AP1G1: variants seen among roughly 807,000 people sequenced by gnomAD.
The protein encoded by AP1G1 is adaptor related protein complex 1 subunit gamma 1.
In AP1G1, 7 loss-of-function variants were observed where a neutral mutation model predicts 108.3. The ratio of observed to expected loss-of-function variants is 0.06; its 90% CI spans 0.04 to 0.12. The LOEUF is 0.12. AP1G1 is among the 10% of genes least tolerant of loss of function. The pLI, the probability that AP1G1 is intolerant of heterozygous loss-of-function variation, is 1.00. For missense variants in AP1G1, 756 were observed against 1,010.7 expected, an observed-to-expected ratio of 0.75 and a Z score of 3.42; for synonymous variants, 379 against 353.5, an observed-to-expected ratio of 1.07 and a Z score of -0.81.
At chr16:71,773,887 C>T (rs917406355) in intron 3 of AP1G1, among the ~76,000 whole-genome samples, 26 of 145,634 alleles carry the variant, frequency 1.8e-4, no homozygotes, top group Non-Finnish European at 4.5e-5. Flanking sequence ...CTCAGCCTCT[C>T]AAGTAGCTGG....
intron 10 of AP1G1, among the ~76,000 whole-genome samples, chr16:71,761,284 C>T (rs2031070308): frequency 6.6e-6 from 1 of 152,150 alleles, no homozygotes; most frequent in Non-Finnish European, 1.5e-5. Context: ...TGACCCTTTA[C>T]AGAAAAATTT....
intron 19 of AP1G1, among the ~76,000 whole-genome samples, chr16:71,740,563 T>C (rs1230313072): frequency 6.6e-6 from 1 of 152,202 alleles, no homozygotes; most frequent in Non-Finnish European, 1.5e-5. Flanking sequence ...ACTACACATG[T>C]ACAACAGTAA....
chr16:71,736,538 G>A (rs1348885657), intron 21 of AP1G1, among the ~76,000 whole-genome samples: 8 of 145,982 alleles, frequency 5.5e-5, no homozygotes, highest in African/African-American at 1.5e-4. Flanking sequence ...CCGCCACCAC[G>A]CCCGGCTAAT....
At position 71,744,573 on chromosome 16, in the gene AP1G1, T is replaced by TTTG. The variant is rs1378397439; in HGVS notation, c.1999+570_1999+571insCAA. Among the ~76,000 whole-genome samples, 113 of 144,550 alleles carry TTTG rather than the reference T, an allele frequency of 7.8e-4. 3 individuals are homozygous for TTTG. In the East Asian group the frequency reaches 0.02, roughly 26 times the overall value. 94.8% of individuals were successfully genotyped at this position (144,550 alleles called of 152,430 possible). A position where few individuals can be genotyped will look rare whatever the true frequency, so the allele number is the denominator to read the frequency against. The stretch of plus-strand genomic sequence containing the variant: ...TTTGAGCTTGAAAGAGAAAGTGTGT[T>TTTG]TTTTTTTTTTTTTTTTTGGAGACAG... On this transcript the variant is annotated intron_variant, in intron 19 of 22. Transcript: ENST00000299980.
chr16:71,743,841 G>C (rs1424106842), intron 19 of AP1G1, among the ~76,000 whole-genome samples: 1 of 151,612 alleles, frequency 6.6e-6, no homozygotes, highest in Non-Finnish European at 1.5e-5. Flanking sequence ...AGCTATTCAG[G>C]AGGCTGAGGC....
intron 4 of AP1G1, among the ~76,000 whole-genome samples, chr16:71,771,661 A>G (rs1410536186): frequency 6.6e-6 from 1 of 152,230 alleles, no homozygotes; most frequent in East Asian, 1.9e-4. Flanking sequence ...AAAACTTTCT[A>G]CATTAGACTA....
chr16:71,733,265 A>G, intron 22 of AP1G1, 106 bp from the exon 23 acceptor site: 1 of 850,532 alleles, frequency 1.2e-6, no homozygotes, highest in East Asian at 2.6e-5. Context: ...ACTTAAAGCA[A>G]AGCTGTCTGT....
At chr16:71,737,503 T>G (rs964359570) in intron 21 of AP1G1, among the ~76,000 whole-genome samples, 2 of 152,186 alleles carry the variant, frequency 1.3e-5, no homozygotes, top group Non-Finnish European at 2.9e-5. Context: ...GAGGCTGGTC[T>G]CAAACTCCTG....
chr16:71,797,662 A>G (rs982598384), intron 1 of AP1G1, among the ~76,000 whole-genome samples: 5 of 152,062 alleles, frequency 3.3e-5, no homozygotes. Flanking sequence ...AGCCGGGCGC[A>G]GTGGTGCACG....
chr16:71,791,910 C>T (rs1226564808), intron 1 of AP1G1, among the ~76,000 whole-genome samples: 1 of 151,904 alleles, frequency 6.6e-6, no homozygotes, highest in East Asian at 1.9e-4. Flanking sequence ...TACAGGCATG[C>T]ACCACCATGC....
rs771557207 is a variant in AP1G1 at position 71,734,598 on chromosome 16, G to A, written c.2367+11C>T. ...TTCGGCTCAGATATTGGCTACAAAT[G>A]TGCTACTCACCTTCTGAGGGTTCAG... On this transcript the variant is annotated intron_variant, in intron 22 of 22. Transcript: ENST00000299980. The A allele has an allele frequency of 3.8e-6, 6 of 1,591,420 alleles. No individual in the cohort carries two copies. The African/African-American group carries it at 4.0e-5, about 11-fold the overall frequency.
Position 71,776,939 on chromosome 16 carries a change from G to A in AP1G1, c.202-2347C>T, listed in dbSNP as rs530882088. On this transcript the variant is annotated intron_variant, in intron 2 of 22. Transcript: ENST00000299980. ...AGCCTGGTCAACATGATGAAACCCCGTTTCTACTAAAAATAAAAAATTAGC... is the reference window on the plus strand; with the variant it reads ...AGCCTGGTCAACATGATGAAACCCCATTTCTACTAAAAATAAAAAATTAGC... 2.3e-4 allele frequency among the ~76,000 whole-genome samples: 35 copies of A among 151,562 alleles called. No individual in the cohort carries two copies. In the East Asian group the frequency reaches 3.9e-3, roughly 17 times the overall value.
intron 5 of AP1G1, among the ~76,000 whole-genome samples, chr16:71,769,943 A>C (rs1209825719): frequency 6.6e-6 from 1 of 152,234 alleles, no homozygotes; most frequent in Non-Finnish European, 1.5e-5. Flanking sequence ...ATAATTATGA[A>C]AAAGTGACGA....
At chr16:71,772,289 G>A (rs939169159) in intron 4 of AP1G1, among the ~76,000 whole-genome samples, 11 of 151,922 alleles carry the variant, frequency 7.2e-5, no homozygotes, top group African/African-American at 1.5e-4. Flanking sequence ...CACCACGCCC[G>A]GCTAATTTTT....
At chr16:71,773,023 C>T in intron 4 of AP1G1, 198 bp downstream of exon 4, 1 of 697,030 alleles carries the variant, frequency 1.4e-6, no homozygotes, top group Non-Finnish European at 2.5e-6. Flanking sequence ...AGGATATATC[C>T]AGTAACATTT....
chr16:71,750,360 T>C (rs2145437465), intron 13 of AP1G1, 28 bp from the exon 14 acceptor site: 1 of 1,611,914 alleles, frequency 6.2e-7, no homozygotes, highest in South Asian at 1.1e-5. Flanking sequence ...CAATTACCCC[T>C]AGAAACACAC....
At chr16:71,793,358 T>C (rs778055791) in intron 1 of AP1G1, among the ~76,000 whole-genome samples, 2 of 152,080 alleles carry the variant, frequency 1.3e-5, no homozygotes, top group Non-Finnish European at 1.5e-5. Context: ...TTACTCCAGA[T>C]AGAAGTCCTC....
At chr16:71,753,646 C>A in intron 13 of AP1G1, 187 bp downstream of exon 13, 1 of 622,212 alleles carries the variant, frequency 1.6e-6, no homozygotes, top group Non-Finnish European at 2.9e-6. Context: ...TATATCCCAC[C>A]TTATCCTGCC....
At chr16:71,738,173 C>A (rs941477410) in intron 21 of AP1G1, among the ~76,000 whole-genome samples, 1 of 152,096 alleles carries the variant, frequency 6.6e-6, no homozygotes, top group Non-Finnish European at 1.5e-5. Flanking sequence ...TCATCAGCCT[C>A]CCGAGTAACT....
Sources: allele counts gnomAD v4.1 joint callset (sites outside exome capture counted in the v4.1 genomes callset), GRCh38; gene constraint gnomAD v4.1.1; transcripts MANE v1.5; gene names NCBI Gene and HGNC (gene_info 2026-07-23, HGNC 2026-07-21).